The following CNGA3 variants were observed in gnomAD, a reference collection of about 807,000 sequenced individuals.
CNGA3 encodes cyclic nucleotide gated channel subunit alpha 3, also known as cyclic nucleotide-gated channel alpha-3.
A neutral mutation model predicts 46.6 loss-of-function variants in CNGA3; 42 were observed. The ratio of observed to expected loss-of-function variants is 0.90; its 90% CI spans 0.70 to 1.17. The LOEUF (loss-of-function observed/expected upper bound fraction) is 1.17, where lower values mean the gene tolerates loss of function less well. Among genes scored for constraint, CNGA3 ranks in the 50% most tolerant of loss-of-function variants. The pLI is 0.00. For synonymous variants in CNGA3, 394 were observed against 369.4 expected (o/e 1.07, Z -0.76); for missense variants, 893 against 890.7 (o/e 1.00, Z -0.03).
rs567567852 is a variant in CNGA3 at position 98,396,959 on chromosome 2, G to A, written c.1789G>A (p.Ala597Thr). ...CACCGAGTACCCCGAAGCCAAGAAG[G>A]CCCTGGAGGAGAAAGGACGGCAGAT... Reference protein sequence around the residue: ...ALTEYPEAKKALEEKGRQILM... With the variant: ...ALTEYPEAKKTLEEKGRQILM... Residue 597 changes from alanine (A) to threonine (T), a missense_variant, in exon 8 of 8, where the codon GCC (alanine) becomes ACC (threonine). Ala to Thr is a moderately conservative substitution (Grantham distance 58, BLOSUM62 0). Coordinates refer to ENST00000272602, the MANE Select transcript of CNGA3 (RefSeq NM_001298.3). 5.0e-6 allele frequency: 8 copies of A among 1,614,126 alleles called. No individual in the cohort carries two copies. In the Admixed American group the frequency reaches 1.2e-4, roughly 24 times the overall value.
chr2:98,379,959 G>T (rs1462246749), intron 3 of CNGA3: 4 of 609,578 alleles, frequency 6.6e-6, no homozygotes, highest in Non-Finnish European at 1.2e-5. Context: ...ACTGCAGGGT[G>T]GAGGGAGAAG....
chr2:98,355,433 T>C (rs915395856), intron 1 of CNGA3, among the ~76,000 whole-genome samples: 3 of 152,214 alleles, frequency 2.0e-5, no homozygotes, highest in African/African-American at 7.2e-5. Flanking sequence ...AATATTTGCA[T>C]ATAGTGTTTT....
At chr2:98,357,232 A>G (rs4851127) in intron 1 of CNGA3, among the ~76,000 whole-genome samples, 34,094 of 152,184 alleles carry the variant, frequency 0.22, 4,333 homozygotes, top group Admixed American at 0.37. Context: ...TAAATGCCTG[A>G]CTACTCAGGC....
At chr2:98,368,996 G>A (rs1692225744) in intron 1 of CNGA3, among the ~76,000 whole-genome samples, 1 of 152,244 alleles carries the variant, frequency 6.6e-6, no homozygotes, top group South Asian at 2.1e-4. Flanking sequence ...AGTAACTGGG[G>A]AAGTTGCGAA....
chr2:98,377,664 T>C (rs1692436860), intron 2 of CNGA3, 23 bp from the exon 3 acceptor site: 1 of 1,598,712 alleles, frequency 6.3e-7, no homozygotes, highest in Non-Finnish European at 8.5e-7. Flanking sequence ...TCAATTCTGC[T>C]TGCTGCATAT....
At chr2:98,356,631 C>T (rs544858364) in intron 1 of CNGA3, among the ~76,000 whole-genome samples, 2 of 152,306 alleles carry the variant, frequency 1.3e-5, no homozygotes, top group East Asian at 3.9e-4. Context: ...TCTGTGTTGT[C>T]TCTCCATTGT....
At chr2:98,349,010 T>C (rs552785253) in intron 1 of CNGA3, among the ~76,000 whole-genome samples, 4 of 152,226 alleles carry the variant, frequency 2.6e-5, no homozygotes, top group Admixed American at 6.5e-5. Context: ...AAAATCTCTC[T>C]AGGCAGAAGC....
intron 1 of CNGA3, among the ~76,000 whole-genome samples, chr2:98,367,322 G>C (rs927627360): frequency 1.3e-5 from 2 of 151,718 alleles, no homozygotes; most frequent in African/African-American, 2.4e-5. Flanking sequence ...AGCCTCCCGA[G>C]TAGCTGGGAC....
chr2:98,379,445 A>C (rs1002347622), intron 3 of CNGA3, among the ~76,000 whole-genome samples: 1 of 152,166 alleles, frequency 6.6e-6, no homozygotes, highest in Non-Finnish European at 1.5e-5. Flanking sequence ...CACCAGCAAC[A>C]GCAGGCAGGG....
At chr2:98,367,235 G>T (rs1327178687) in intron 1 of CNGA3, among the ~76,000 whole-genome samples, 1 of 139,014 alleles carries the variant, frequency 7.2e-6, no homozygotes, top group East Asian at 2.1e-4. Context: ...CCCCCAGGCT[G>T]GAGGGCAGGA....
rs1692910366 is a variant in CNGA3 at position 98,396,275 on chromosome 2, A to AC, written c.1109dup (p.Pro371ThrfsTer6). ...CTTGACCCTTACCACCATTGGTGAGACCCCACCCCCCGTGAAAGATGAGGA... is the reference window on the plus strand; with the variant it reads ...CTTGACCCTTACCACCATTGGTGAGACCCCCACCCCCCGTGAAAGATGAGGA... On this transcript the variant is annotated frameshift_variant, in exon 8 of 8. Transcript: ENST00000272602. LOFTEE classifies it high-confidence loss of function. 6.2e-7 allele frequency: 1 copy of AC among 1,610,466 alleles called. No individual in the cohort carries two copies. The highest frequency in any genetic ancestry group is 1.3e-5 in the African/African-American group (1 of 74,554).
intron 5 of CNGA3, among the ~76,000 whole-genome samples, chr2:98,384,843 G>A (rs1439944342): frequency 6.6e-6 from 1 of 152,158 alleles, no homozygotes; most frequent in South Asian, 2.1e-4. Flanking sequence ...CAATAAATGG[G>A]CTCACTTCAC....
At chr2:98,386,480 C>T (rs148932532) in intron 5 of CNGA3, among the ~76,000 whole-genome samples, 139 of 152,278 alleles carry the variant, frequency 9.1e-4, no homozygotes, top group African/African-American at 3.2e-3. Context: ...CTTTGCGTGC[C>T]GCCACGTAAG....
chr2:98,386,427 G>A (rs1323162896), intron 5 of CNGA3, among the ~76,000 whole-genome samples: 4 of 152,150 alleles, frequency 2.6e-5, no homozygotes, highest in South Asian at 2.1e-4. Context: ...TAAGTCTCAC[G>A]AGATCTGATG....
At chr2:98,353,025 C>T (rs1041024042) in intron 1 of CNGA3, among the ~76,000 whole-genome samples, 2 of 152,178 alleles carry the variant, frequency 1.3e-5, no homozygotes, top group Non-Finnish European at 2.9e-5. Flanking sequence ...GACCACAAGC[C>T]TCACCTATAA....
intron 1 of CNGA3, among the ~76,000 whole-genome samples, chr2:98,352,745 G>A (rs1231689431): frequency 6.6e-6 from 1 of 152,158 alleles, no homozygotes; most frequent in Non-Finnish European, 1.5e-5. Flanking sequence ...GAAGAAAGGG[G>A]AATTCATTCT....
chr2:98,365,206 C>T (rs1019716553), intron 1 of CNGA3, among the ~76,000 whole-genome samples: 1 of 152,140 alleles, frequency 6.6e-6, no homozygotes, highest in Non-Finnish European at 1.5e-5. Flanking sequence ...CTTTGGGAAG[C>T]CGAGGCAGGC....
rs1417147005 is a variant in CNGA3 at position 98,395,950 on chromosome 2, C to G, written c.780C>G (p.Asp260Glu). The G allele has an allele frequency of 6.2e-7, 1 of 1,614,186 alleles. No homozygotes were observed. The change falls in exon 8 of 8, where the codon GAC becomes GAG. Residue 260 changes from aspartate (D) to glutamate (E), a missense_variant. By Grantham distance (45) the Asp-to-Glu change is conservative. Around this residue, in one of 3 missense-constraint regions of CNGA3, gnomAD observed 548 missense variants for 570.8 expected, o/e 0.96. Transcript: ENST00000272602. ...KLDVLSLVPT[D>E]LAYLKVGTNY... ...ATGTGTTGTCCCTGGTCCCCACCGA[C>G]CTGGCTTACTTAAAGGTGGGCACAA...
intron 2 of CNGA3, among the ~76,000 whole-genome samples, chr2:98,373,416 A>T (rs567818797): frequency 1.3e-5 from 2 of 152,314 alleles, no homozygotes; most frequent in South Asian, 4.1e-4. Flanking sequence ...CTTCAGTGAT[A>T]TCAAGAAGCC....
Sources: gnomAD v4.1 joint callset for allele counts (sites outside exome capture counted in the v4.1 genomes callset) on GRCh38, gnomAD v4.1.1 for gene constraint, gnomAD v4.1.1 regional missense constraint, MANE v1.5 for transcripts, NCBI Gene and HGNC (gene_info 2026-07-23, HGNC 2026-07-21) for gene names.